RAPGEF6: variants seen among roughly 807,000 people sequenced by gnomAD.
The protein encoded by RAPGEF6 is PDZ domain containing guanine nucleotide exchange factor (GEF) 2.
In RAPGEF6, 56 loss-of-function variants were observed where a neutral mutation model predicts 171.4. The observed-to-expected ratio is 0.33, with a 90% CI of 0.26 to 0.41. The LOEUF is 0.41. RAPGEF6 is among the 10% of genes least tolerant of loss of function. The pLI is 1.00. For missense variants in RAPGEF6, 1,674 were observed against 1,921.4 expected (o/e 0.87, Z 2.41); for synonymous variants, 692 against 650.1 (o/e 1.06, Z -0.98).
At chr5:131,463,987 A>C (rs767771013) in intron 18 of RAPGEF6, 54 bp downstream of exon 18, 4 of 1,512,330 alleles carry the variant, frequency 2.6e-6, no homozygotes, top group Non-Finnish European at 8.8e-7. Flanking sequence ...TTTTAACAGG[A>C]AATCTTCAAA....
intron 15 of RAPGEF6, among the ~76,000 whole-genome samples, chr5:131,487,486 T>A (rs567615753): frequency 6.6e-6 from 1 of 152,308 alleles, no homozygotes; most frequent in South Asian, 2.1e-4. Flanking sequence ...ATTGGTGCAT[T>A]TACAATCCTT....
Position 131,429,109 on chromosome 5 carries a change from T to C in RAPGEF6, c.4573A>G (p.Thr1525Ala), listed in dbSNP as rs1187180999. Residue 1525 changes from threonine (T) to alanine (A), a missense_variant, in exon 27 of 28, where the codon ACA (threonine) becomes GCA (alanine). Coordinates refer to ENST00000509018, the MANE Select transcript of RAPGEF6 (RefSeq NM_016340.6). ...CTATAATCTGGAGGTTTTAGGTGTG[T>C]GTGGGGTCCTTCCTTTAGGTCCGCT... ...SLADLKEGPHTHLKPPDYSVA... is the reference protein window; with the variant it reads ...SLADLKEGPHAHLKPPDYSVA... 1.5e-5 allele frequency: 24 copies of C among 1,614,056 alleles called. No homozygotes were observed. The highest frequency in any genetic ancestry group is 2.7e-5 in the African/African-American group (2 of 74,942).
chr5:131,585,353 T>C (rs1763195222), intron 4 of RAPGEF6, among the ~76,000 whole-genome samples: 1 of 150,848 alleles, frequency 6.6e-6, no homozygotes, highest in African/African-American at 2.4e-5. Flanking sequence ...TCCATGGCCT[T>C]GTGAAAGCAA....
rs183985113 is a variant in RAPGEF6, at chr5:131,435,983, G to A, written c.3746-2325C>T. The A allele has an allele frequency of 1.0e-3, 1,532 of 1,535,306 alleles. 1 individual carries two copies. Among genetic ancestry groups the A allele is most frequent in the Non-Finnish European group, 1.2e-3 (1,327 of 1,145,284 alleles). ...GTCTTCCTCCTTTTAGACTTGAATC[G>A]CGTATAGAAGCAGTTTAAAGTGTTA... On this transcript the variant is annotated intron_variant, in intron 24 of 27. Coordinates refer to ENST00000509018, the MANE Select transcript of RAPGEF6 (RefSeq NM_016340.6).
At chr5:131,610,253 G>A (rs1441085152) in intron 1 of RAPGEF6, among the ~76,000 whole-genome samples, 1 of 152,104 alleles carries the variant, frequency 6.6e-6, no homozygotes, top group East Asian at 1.9e-4. Flanking sequence ...CTACAGCTAT[G>A]GACTCTGCAT....
chr5:131,527,157 T>C (rs1485810079), intron 6 of RAPGEF6, among the ~76,000 whole-genome samples: 1 of 152,170 alleles, frequency 6.6e-6, no homozygotes, highest in Non-Finnish European at 1.5e-5. Context: ...CTTACCCTAG[T>C]GAAGTGTACA....
intron 6 of RAPGEF6, among the ~76,000 whole-genome samples, chr5:131,524,576 A>G (rs1758733131): frequency 7.0e-6 from 1 of 142,094 alleles, no homozygotes; most frequent in Non-Finnish European, 1.5e-5. Context: ...GGAGAGGAGG[A>G]GAGAGAGGGA....
rs1286508190 is a variant in RAPGEF6, at chr5:131,498,429, C to T, written c.1419+14G>A. 7.6e-6 allele frequency: 12 copies of T among 1,579,712 alleles called. No individual in the cohort carries two copies. The East Asian group carries it at 2.7e-4, about 36-fold the overall frequency. On this transcript the variant is annotated intron_variant, in intron 12 of 27. Coordinates refer to ENST00000509018, the MANE Select transcript of RAPGEF6 (RefSeq NM_016340.6). ...TTGGGTTAAAATCACTTTCATGCCCCTTATAAAACCAACCTTATCTCTTAA... is the reference window on the plus strand; with the variant it reads ...TTGGGTTAAAATCACTTTCATGCCCTTTATAAAACCAACCTTATCTCTTAA...
chr5:131,490,000 T>C (rs1186029418), intron 14 of RAPGEF6, among the ~76,000 whole-genome samples: 1 of 152,114 alleles, frequency 6.6e-6, no homozygotes, highest in African/African-American at 2.4e-5. Flanking sequence ...TATATACAAA[T>C]TTGTCAAATA....
At chr5:131,508,482 C>T (rs890275607) in intron 8 of RAPGEF6, among the ~76,000 whole-genome samples, 3 of 152,136 alleles carry the variant, frequency 2.0e-5, no homozygotes, top group Non-Finnish European at 4.4e-5. Flanking sequence ...CAGATGAAAG[C>T]GGAGCGTTTA....
chr5:131,555,583 A>G (rs1351148597), intron 5 of RAPGEF6, among the ~76,000 whole-genome samples: 1 of 151,918 alleles, frequency 6.6e-6, no homozygotes, highest in African/African-American at 2.4e-5. Flanking sequence ...ATAAATTTCA[A>G]TTATTTCCAA....
chr5:131,508,811 T>C (rs1757527639), intron 8 of RAPGEF6, among the ~76,000 whole-genome samples: 1 of 152,156 alleles, frequency 6.6e-6, no homozygotes, highest in Non-Finnish European at 1.5e-5. Context: ...AACTATAAGG[T>C]GCTATATATC....
At chr5:131,616,342 TC>T (rs1312814654) in intron 1 of RAPGEF6, among the ~76,000 whole-genome samples, 1 of 152,198 alleles carries the variant, frequency 6.6e-6, no homozygotes, top group Non-Finnish European at 1.5e-5. Context: ...GAAAATAAAC[TC>T]ATATTTGGAG....
chr5:131,511,039 C>T (rs1358344605), intron 7 of RAPGEF6, among the ~76,000 whole-genome samples: 1 of 152,148 alleles, frequency 6.6e-6, no homozygotes, highest in Non-Finnish European at 1.5e-5. Flanking sequence ...TGAACAAATA[C>T]TCTTCATTTC....
chr5:131,634,149 T>C (rs1465533106), intron 1 of RAPGEF6, among the ~76,000 whole-genome samples: 1 of 152,260 alleles, frequency 6.6e-6, no homozygotes, highest in Admixed American at 6.5e-5. Context: ...TTACTGCAAC[T>C]TTAAACAAAA....
intron 3 of RAPGEF6, among the ~76,000 whole-genome samples, chr5:131,602,189 T>C (rs1764297549): frequency 6.6e-6 from 1 of 152,210 alleles, no homozygotes; most frequent in African/African-American, 2.4e-5. Flanking sequence ...CATGCTAACA[T>C]CATAGAGTGT....
intron 14 of RAPGEF6, among the ~76,000 whole-genome samples, chr5:131,489,907 A>T (rs1256869681): frequency 6.6e-6 from 1 of 152,008 alleles, no homozygotes; most frequent in African/African-American, 2.4e-5. Context: ...GAGGAAATTT[A>T]AAAAATACCC....
At chr5:131,527,322 G>A (rs1286671516) in intron 6 of RAPGEF6, among the ~76,000 whole-genome samples, 1 of 152,000 alleles carries the variant, frequency 6.6e-6, no homozygotes, top group East Asian at 1.9e-4. Flanking sequence ...ACAGCTGGAA[G>A]AGAATGTTAA....
At chr5:131,622,650 C>G (rs549759536) in intron 1 of RAPGEF6, among the ~76,000 whole-genome samples, 1 of 152,158 alleles carries the variant, frequency 6.6e-6, no homozygotes, top group Non-Finnish European at 1.5e-5. Flanking sequence ...CTCCAACACA[C>G]GTAAAATGAT....
Sources: gnomAD v4.1 joint callset for allele counts (sites outside exome capture counted in the v4.1 genomes callset) on GRCh38, gnomAD v4.1.1 for gene constraint, MANE v1.5 for transcripts, NCBI Gene and HGNC (gene_info 2026-07-23, HGNC 2026-07-21) for gene names.